The following ACOX2 variants were observed in gnomAD, a reference collection of about 807,000 sequenced individuals.
ACOX2 encodes acyl-CoA oxidase 2.
Under a neutral mutation model 77.5 loss-of-function variants are expected in ACOX2, and 59 were observed. The ratio of observed to expected loss-of-function variants is 0.76; its 90% confidence interval spans 0.62 to 0.95. The LOEUF is 0.95. ACOX2 is among the 40% of genes least tolerant of loss of function. ACOX2 has a pLI of 0.00. For missense variants in ACOX2, 837 were observed against 880.4 expected (o/e 0.95, Z 0.62); for synonymous variants, 317 against 340.1 (o/e 0.93, Z 0.75).
Position 58,508,923 on chromosome 3 carries a change from C to G in ACOX2, c.1953G>C (p.Gln651His). Reference sequence around the variant, plus strand: ...TATTGGTTGGTGACTTCTGAGCCCACTGGAACAGGCGTTCGTAGACGTTTC... The same window carrying G: ...TATTGGTTGGTGACTTCTGAGCCCAGTGGAACAGGCGTTCGTAGACGTTTC... ...YDGNVYERLF[Q>H]WAQKSPTNTQ... The change falls in exon 14 of 15, where the codon CAG becomes CAC. Residue 651 changes from glutamine (Q) to histidine (H), a missense_variant. By Grantham distance (24) the Gln-to-His change is conservative. Transcript: ENST00000302819. The G allele has an allele frequency of 6.2e-7, 1 of 1,614,210 alleles. No homozygotes were observed. The highest frequency in any genetic ancestry group is 2.2e-5 in the East Asian group (1 of 44,874).
At position 58,534,221 on chromosome 3, in the gene ACOX2, C is replaced by T. The variant is rs142742241; in HGVS notation, c.324-76G>A. The T allele has an allele frequency of 8.8e-6, 14 of 1,591,434 alleles. No individual in the cohort carries two copies. In the South Asian group the frequency reaches 1.6e-4, roughly 18 times the overall value. Reference sequence around the variant, plus strand: ...AGGTACCCCCTGCCTGAGCAGAGTACAGGAGATAAAGGGCACCTAGCATCC... The same window carrying T: ...AGGTACCCCCTGCCTGAGCAGAGTATAGGAGATAAAGGGCACCTAGCATCC... On this transcript the variant is annotated intron_variant, in intron 3 of 14. Coordinates refer to ENST00000302819, the MANE Select transcript of ACOX2 (RefSeq NM_003500.4). The surrounding 1 kb of genome is among the most constrained non-coding windows in gnomAD (Gnocchi z 4.8).
rs1462559249 is a variant in ACOX2, at chr3:58,508,959, G to T, written c.1917C>A (p.Gly639=). ...GTTCGTAGACGTTTCCATCATAACA[G>T]CCAAGTGCTGAATTTAAACACTGAT... The part of the protein sequence containing the change: ...FTDQCLNSAL[G]CYDGNVYERL... Residue 639 remains glycine (G), a synonymous_variant, in exon 14 of 15, where the codon GGC becomes GGA. Transcript: ENST00000302819. 6.2e-7 allele frequency: 1 copy of T among 1,614,178 alleles called. No homozygotes were observed. Among genetic ancestry groups the T allele is most frequent in the Non-Finnish European group, 8.5e-7 (1 of 1,180,018 alleles).
intron 12 of ACOX2, among the ~76,000 whole-genome samples, chr3:58,520,971 C>A (rs1000976361): frequency 6.6e-6 from 1 of 152,198 alleles, no homozygotes; most frequent in Admixed American, 6.5e-5. Context: ...ATGTCAGTCT[C>A]CCTCCCAGGG....
chr3:58,525,090 C>T lies in ACOX2; in HGVS notation c.1347-485G>A, dbSNP rs773150512. On this transcript the variant is annotated intron_variant, in intron 10 of 14. Coordinates refer to ENST00000302819, the MANE Select transcript of ACOX2 (RefSeq NM_003500.4). The surrounding 1 kb of genome is among the most constrained non-coding windows in gnomAD (Gnocchi z 5.0). The stretch of plus-strand genomic sequence containing the variant: ...ACAGCCCTGGATTCCCATACAGCCT[C>T]GCCGAGACCTGTGTGATGAAAGAAG... Among the ~76,000 whole-genome samples the T allele has an allele frequency of 1.3e-4, 20 of 152,078 alleles. No individual in the cohort carries two copies. Among genetic ancestry groups the T allele is most frequent in the Non-Finnish European group, 2.4e-4 (16 of 68,016 alleles).
Position 58,526,618 on chromosome 3 carries a change from T to C in ACOX2, c.1194A>G (p.Ser398=). ...TCTCAGCTCCCTGGGTGCAGAATTC[T>C]GACATCATGGCCTTCATGCCCGTGC... ...ALSTGMKAMM[S]EFCTQGAEMC... is the part of the protein sequence containing the mutation. Residue 398 remains serine, a synonymous_variant, in exon 10 of 15, where the codon TCA becomes TCG. Coordinates refer to ENST00000302819, the MANE Select transcript of ACOX2 (RefSeq NM_003500.4). This position sits in a 1 kb window ranked among gnomAD's most constrained non-coding sequence, Gnocchi z 4.3. 1 of 1,614,188 alleles carries C rather than the reference T, an allele frequency of 6.2e-7. No individual in the cohort carries two copies. The highest frequency in any genetic ancestry group is 2.2e-5 in the East Asian group (1 of 44,890).
chr3:58,531,358 T>G lies in ACOX2; in HGVS notation c.712A>C (p.Ile238Leu). Residue 238 changes from isoleucine (I) to leucine (L), a missense_variant, in exon 7 of 15, where the codon ATT (isoleucine) becomes CTT (leucine). Coordinates refer to ENST00000302819, the MANE Select transcript of ACOX2 (RefSeq NM_003500.4). The surrounding 1 kb of genome is among the most constrained non-coding windows in gnomAD (Gnocchi z 5.8). The part of the protein sequence containing the change: ...QDHTPLPGII[I>L]GDIGPKMDFD... Reference sequence around the variant, plus strand: ...TCCATCTTGGGTCCGATGTCCCCAATGATGATTCCTTGAAGGAGATGGAGA... The same window carrying G: ...TCCATCTTGGGTCCGATGTCCCCAAGGATGATTCCTTGAAGGAGATGGAGA... 6.2e-7 allele frequency: 1 copy of G among 1,613,590 alleles called. No homozygotes were observed. The highest frequency in any genetic ancestry group is 8.5e-7 in the Non-Finnish European group (1 of 1,179,588).
intron 12 of ACOX2, among the ~76,000 whole-genome samples, chr3:58,520,375 G>A (rs968064044): frequency 1.3e-5 from 2 of 152,268 alleles, no homozygotes; most frequent in Admixed American, 1.3e-4. Context: ...AATGAGGCCA[G>A]CATTTGTTCC....
rs1037554068 is a variant in ACOX2 at position 58,526,900 on chromosome 3, G to A, written c.1156-244C>T. The stretch of plus-strand genomic sequence containing the variant: ...AGTGAAGGAAAACCTGGCCTGGCCA[G>A]TGTCTCCAGGATTGGGAAGAGGGTG... On this transcript the variant is annotated intron_variant, in intron 9 of 14. Transcript: ENST00000302819. This position sits in a 1 kb window ranked among gnomAD's most constrained non-coding sequence, Gnocchi z 4.3. Among the ~76,000 whole-genome samples the A allele has an allele frequency of 1.3e-5, 2 of 152,206 alleles. No homozygotes were observed. The highest frequency in any genetic ancestry group is 2.9e-5 in the Non-Finnish European group (2 of 68,042).
In ACOX2 at chr3:58,524,689, C is replaced by A; in HGVS notation, c.1347-84G>T. ...CCCCTCACTCCCAGAGACAGGCAAG[C>A]TCATGCTAGGTTCCAGCCTTCCCGT... is the stretch of plus-strand genomic sequence containing the variant. On this transcript the variant is annotated intron_variant, in intron 10 of 14. Transcript: ENST00000302819. The surrounding 1 kb of genome is among the most constrained non-coding windows in gnomAD (Gnocchi z 5.5). The A allele has an allele frequency of 7.0e-7, 1 of 1,427,936 alleles. No homozygotes were observed. The highest frequency in any genetic ancestry group is 9.5e-7 in the Non-Finnish European group (1 of 1,048,424). 88.5% of individuals were successfully genotyped at this position (1,427,936 alleles called of 1,614,324 possible). A position where few individuals can be genotyped will look rare whatever the true frequency, so the allele number is the denominator to read the frequency against.
In ACOX2 at chr3:58,534,268, C is replaced by T; in HGVS notation, c.323+92G>A. 1 of 1,579,606 alleles carries T rather than the reference C, an allele frequency of 6.3e-7. No homozygotes were observed. The highest frequency in any genetic ancestry group is 8.6e-7 in the Non-Finnish European group (1 of 1,164,484). ...ATCCTGGTTTCCCAACAAGTCTTCC[C>T]TTTGTTGGGGGAAATGGCTCATGGG... is the stretch of plus-strand genomic sequence containing the variant. On this transcript the variant is annotated intron_variant, in intron 3 of 14. Coordinates refer to ENST00000302819, the MANE Select transcript of ACOX2 (RefSeq NM_003500.4). The surrounding 1 kb of genome is among the most constrained non-coding windows in gnomAD (Gnocchi z 4.8).
At chr3:58,530,725 G>A in intron 7 of ACOX2, 87 bp from the exon 8 acceptor site, 15 of 1,432,740 alleles carry the variant, frequency 1.0e-5, no homozygotes, top group Non-Finnish European at 1.4e-5. Flanking sequence ...CTCCACACAT[G>A]GAGGGCACCT....
At chr3:58,529,919 T>TGGTA (rs1265008983) in intron 8 of ACOX2, among the ~76,000 whole-genome samples, 1 of 151,644 alleles carries the variant, frequency 6.6e-6, no homozygotes, top group East Asian at 1.9e-4. Context: ...GTGGAGGGAG[T>TGGTA]GGTAGCAACA....
rs1033886657 is a variant in ACOX2 at position 58,512,586 on chromosome 3, T to C, written c.1851-3561A>G. Among the ~76,000 whole-genome samples, 1 of 152,116 alleles carries C rather than the reference T, an allele frequency of 6.6e-6. No individual in the cohort carries two copies. The highest frequency in any genetic ancestry group is 6.6e-5 in the Admixed American group (1 of 15,254). On this transcript the variant is annotated intron_variant, in intron 13 of 14. Coordinates refer to ENST00000302819, the MANE Select transcript of ACOX2 (RefSeq NM_003500.4). This position sits in a 1 kb window ranked among gnomAD's most constrained non-coding sequence, Gnocchi z 4.8. ...CCACCCCCTACTGTACTCCCTTAAC[T>C]CTCTGCCCTCTGCCGTCATTTTCCA... is the stretch of plus-strand genomic sequence containing the variant.
rs749144700 is a variant in ACOX2, at chr3:58,528,931, A to C, written c.1018T>G (p.Tyr340Asp). Residue 340 changes from tyrosine to aspartate, a missense_variant, in exon 9 of 15, where the codon TAC becomes GAC. Tyr to Asp is a radical substitution (Grantham distance 160). Transcript: ENST00000302819. This position sits in a 1 kb window ranked among gnomAD's most constrained non-coding sequence, Gnocchi z 5.6. ...PSDPEAKVLD[Y>D]QTQQQKLFPQ... is the part of the protein sequence containing the mutation. Reference sequence around the variant, plus strand: ...AAGAGTTTCTGCTGTTGTGTCTGGTAGTCCAGGACCTTTGCCTCTGGGTCA... The same window carrying C: ...AAGAGTTTCTGCTGTTGTGTCTGGTCGTCCAGGACCTTTGCCTCTGGGTCA... 1 of 1,612,792 alleles carries C rather than the reference A, an allele frequency of 6.2e-7. No homozygotes were observed. Among genetic ancestry groups the C allele is most frequent in the African/African-American group, 1.3e-5 (1 of 75,020 alleles).
intron 1 of ACOX2, among the ~76,000 whole-genome samples, chr3:58,536,272 C>T (rs1205402536): frequency 6.6e-6 from 1 of 152,160 alleles, no homozygotes; most frequent in African/African-American, 2.4e-5. Context: ...GTTCCTCCCA[C>T]AAGGCCTGGG....
Position 58,534,154 on chromosome 3 carries a change from G to A in ACOX2, c.324-9C>T. Reference sequence around the variant, plus strand: ...CGTCTCCAGAAAGGGCTCTGTTGGGGAGAGATGCTGTAGTTGAGTAGCTTA... The same window carrying A: ...CGTCTCCAGAAAGGGCTCTGTTGGGAAGAGATGCTGTAGTTGAGTAGCTTA... On this transcript the variant is annotated splice_polypyrimidine_tract_variant and intron_variant, in intron 3 of 14. Coordinates refer to ENST00000302819, the MANE Select transcript of ACOX2 (RefSeq NM_003500.4). The surrounding 1 kb of genome is among the most constrained non-coding windows in gnomAD (Gnocchi z 4.8). 3.7e-6 allele frequency: 6 copies of A among 1,613,980 alleles called. No individual in the cohort carries two copies. The highest frequency in any genetic ancestry group is 5.1e-6 in the Non-Finnish European group (6 of 1,180,004).
Position 58,531,110 on chromosome 3 carries a change from C to G in ACOX2, c.819+141G>C. 9.9e-6 allele frequency: 7 copies of G among 704,464 alleles called. No individual in the cohort carries two copies. The South Asian group carries it at 1.2e-4, about 12-fold the overall frequency. 43.6% of individuals were successfully genotyped at this position (704,464 alleles called of 1,614,324 possible). On this transcript the variant is annotated intron_variant, in intron 7 of 14. Coordinates refer to ENST00000302819, the MANE Select transcript of ACOX2 (RefSeq NM_003500.4). This position sits in a 1 kb window ranked among gnomAD's most constrained non-coding sequence, Gnocchi z 5.8. ...TCCTAAGCAGGGGTTTCACCCCAATCTGTGGGATATCAGAGCCTCTCTTGG... is the reference window on the plus strand; with the variant it reads ...TCCTAAGCAGGGGTTTCACCCCAATGTGTGGGATATCAGAGCCTCTCTTGG...
chr3:58,526,511 C>G lies in ACOX2; in HGVS notation c.1301G>C (p.Cys434Ser). 1 of 1,614,148 alleles carries G rather than the reference C, an allele frequency of 6.2e-7. No individual in the cohort carries two copies. The highest frequency in any genetic ancestry group is 8.5e-7 in the Non-Finnish European group (1 of 1,180,026). ...CACTGTGTTCTCACCCTCGTAGGTA[C>G]AGGAGGCCGACAATTTGGTGACCAG... ...PSLVTKLSAS[C>S]TYEGENTVLY... The change falls in exon 10 of 15, where the codon TGT becomes TCT. Residue 434 changes from cysteine (C) to serine (S), a missense_variant. Cys to Ser is a moderately radical substitution (Grantham distance 112, BLOSUM62 -1). Coordinates refer to ENST00000302819, the MANE Select transcript of ACOX2 (RefSeq NM_003500.4). This position sits in a 1 kb window ranked among gnomAD's most constrained non-coding sequence, Gnocchi z 4.3.
rs147316315 is a variant in ACOX2, at chr3:58,530,505, C to A, written c.953G>T (p.Arg318Leu). ...GGATTGGCGGCGGATGACCGAGTAG[C>A]GCATGGCGATGACACAGGCCTTCTG... is the stretch of plus-strand genomic sequence containing the variant. The part of the protein sequence containing the change: ...ILQKACVIAM[R>L]YSVIRRQSRL... Residue 318 changes from arginine (R) to leucine (L), a missense_variant, in exon 8 of 15, where the codon CGC becomes CTC. Physicochemically the swap from Arg to Leu is moderately radical, Grantham distance 102. Transcript: ENST00000302819. 1.2e-6 allele frequency: 2 copies of A among 1,614,234 alleles called. No individual in the cohort carries two copies. Among genetic ancestry groups the A allele is most frequent in the Non-Finnish European group, 1.7e-6 (2 of 1,180,032 alleles).
Sources: gnomAD v4.1 joint callset for allele counts (sites outside exome capture counted in the v4.1 genomes callset) on GRCh38, gnomAD v4.1.1 for gene constraint, Gnocchi (gnomAD v3.1) non-coding constraint, MANE v1.5 for transcripts, NCBI Gene and HGNC (gene_info 2026-07-23, HGNC 2026-07-21) for gene names.